The following MGMT variants were observed in gnomAD, a reference collection of about 807,000 sequenced individuals.
The protein encoded by MGMT is O-6-methylguanine-DNA methyltransferase.
A neutral mutation model predicts 15.9 loss-of-function variants in MGMT; 14 were observed. That is an observed-to-expected ratio of 0.88 (90% CI 0.58 to 1.37). The LOEUF (loss-of-function observed/expected upper bound fraction) is 1.37. Ranked by LOEUF, MGMT falls within the 40% of genes most tolerant of loss-of-function variation. The pLI, the probability that MGMT is intolerant of heterozygous loss-of-function variation, is 0.00. For missense variants in MGMT, 282 were observed against 268.1 expected (o/e 1.05, Z -0.36); for synonymous variants, 130 against 118.2 (o/e 1.10, Z -0.65).
chr10:129,488,666 A>G (rs1845437549), intron 1 of MGMT, among the ~76,000 whole-genome samples: 1 of 152,194 alleles, frequency 6.6e-6, no homozygotes, highest in Non-Finnish European at 1.5e-5. Flanking sequence ...TAACAATTCC[A>G]CTATTTTCCT....
At chr10:129,537,735 T>G (rs1846001539) in intron 2 of MGMT, among the ~76,000 whole-genome samples, 1 of 152,204 alleles carries the variant, frequency 6.6e-6, no homozygotes. Context: ...TGAATCAAGT[T>G]AGGATCAGGT....
chr10:129,514,655 G>T (rs552087108), intron 1 of MGMT, among the ~76,000 whole-genome samples: 6 of 110,050 alleles, frequency 5.5e-5, no homozygotes, highest in South Asian at 2.7e-4. Context: ...GGGGCCTTTG[G>T]GGGGAGATTA....
intron 1 of MGMT, among the ~76,000 whole-genome samples, chr10:129,512,973 A>T (rs1291807355): frequency 6.6e-6 from 1 of 152,224 alleles, no homozygotes; most frequent in African/African-American, 2.4e-5. Context: ...AGCATCATTC[A>T]CAGTGGCCAA....
At position 129,767,927 on chromosome 10, in the gene MGMT, C is replaced by A. The variant is rs1202378802; in HGVS notation, c.*930C>A. 3 of 152,258 alleles carry A rather than the reference C, an allele frequency of 2.0e-5. No homozygotes were observed. Among genetic ancestry groups the A allele is most frequent in the Non-Finnish European group, 4.4e-5 (3 of 68,062 alleles). The allele number at this position is 152,258 out of a possible 1,614,324, so 9.4% of individuals were successfully genotyped here. A position where few individuals can be genotyped will look rare whatever the true frequency, so the allele number is the denominator to read the frequency against. ...ATGGGCGGTGCGCTGCTGTCTGATACTTCATTATTGTGTTGTCATCCTAGC... is the reference window on the plus strand; with the variant it reads ...ATGGGCGGTGCGCTGCTGTCTGATAATTCATTATTGTGTTGTCATCCTAGC... On this transcript the variant is annotated 3_prime_UTR_variant, in exon 5 of 5. Transcript: ENST00000651593.
chr10:129,487,697 C>G (rs996116388), intron 1 of MGMT, among the ~76,000 whole-genome samples: 6 of 151,962 alleles, frequency 3.9e-5, no homozygotes, highest in Admixed American at 3.3e-4. Flanking sequence ...TTTATATAGT[C>G]TGGATTCTAA....
intron 2 of MGMT, among the ~76,000 whole-genome samples, chr10:129,579,177 C>T (rs188475484): frequency 2.6e-5 from 4 of 152,302 alleles, no homozygotes; most frequent in African/African-American, 4.8e-5. Context: ...GAAGGAAAAA[C>T]GGCCATTGTT....
intron 2 of MGMT, among the ~76,000 whole-genome samples, chr10:129,648,846 A>C (rs1847425251): frequency 6.6e-6 from 1 of 152,208 alleles, no homozygotes; most frequent in Non-Finnish European, 1.5e-5. Context: ...ATCATCCCTG[A>C]AGCTATGGCT....
chr10:129,542,336 C>T (rs747832170), intron 2 of MGMT, among the ~76,000 whole-genome samples: 3 of 152,108 alleles, frequency 2.0e-5, no homozygotes, highest in Non-Finnish European at 4.4e-5. Context: ...CAGTGCCAGT[C>T]GGATGGTTCC....
At chr10:129,520,446 G>GTACAGAGCCCCTGTGGTGCA in intron 1 of MGMT, among the ~76,000 whole-genome samples, 1 of 117,022 alleles carries the variant, frequency 8.5e-6, no homozygotes, top group Non-Finnish European at 1.7e-5. Flanking sequence ...CCTATGGTGC[G>GTACAGAGCCCCTGTGGTGCA]AGTACAGAGC....
chr10:129,516,449 C>G (rs898468678), intron 1 of MGMT, among the ~76,000 whole-genome samples: 1 of 152,042 alleles, frequency 6.6e-6, no homozygotes, highest in African/African-American at 2.4e-5. Context: ...CAGGTGTGTC[C>G]CTCCTCTTAC....
chr10:129,521,944 G>A (rs1219551402), intron 1 of MGMT, among the ~76,000 whole-genome samples: 1 of 152,242 alleles, frequency 6.6e-6, no homozygotes, highest in Non-Finnish European at 1.5e-5. Context: ...GCAGAAGGAA[G>A]CGTGCCGGTG....
At chr10:129,677,731 G>A (rs1033973190) in intron 2 of MGMT, among the ~76,000 whole-genome samples, 6 of 152,136 alleles carry the variant, frequency 3.9e-5, no homozygotes, top group African/African-American at 1.2e-4. Flanking sequence ...GGCTGTGATC[G>A]GACTGCCCCC....
intron 2 of MGMT, among the ~76,000 whole-genome samples, chr10:129,602,773 G>A (rs1321963896): frequency 3.3e-5 from 5 of 151,984 alleles, no homozygotes; most frequent in Admixed American, 3.3e-4. Context: ...ACATTGAGGT[G>A]AACTTTTTAC....
At chr10:129,693,595 T>G (rs571963250) in intron 2 of MGMT, 1 of 152,672 alleles carries the variant, frequency 6.5e-6, no homozygotes, top group Non-Finnish European at 1.5e-5. Context: ...GGGTAGCAGT[T>G]TGGGACCAGA....
rs1202831342 is a variant in MGMT at position 129,577,237 on chromosome 10, A to G, written c.125+40860A>G. ...GAGCCCACATTGCCAAGTCAATCCT[A>G]AGCCAAAAGAACAAAGCTGGAGGCA... On this transcript the variant is annotated intron_variant, in intron 2 of 4. Transcript: ENST00000651593. 2.0e-5 allele frequency among the ~76,000 whole-genome samples: 3 copies of G among 152,180 alleles called. No individual in the cohort carries two copies. In the East Asian group the frequency reaches 5.8e-4, roughly 29 times the overall value.
At chr10:129,687,861 C>T (rs1470163104) in intron 2 of MGMT, among the ~76,000 whole-genome samples, 25 of 151,930 alleles carry the variant, frequency 1.6e-4, no homozygotes, top group Non-Finnish European at 3.1e-4. Flanking sequence ...CCCCACCCCA[C>T]AACAGGCCCT....
chr10:129,467,526 G>GAC, intron 1 of MGMT: 1 of 764,108 alleles, frequency 1.3e-6, no homozygotes. Flanking sequence ...AGTGACTGTG[G>GAC]ACTGGCGTGT....
intron 2 of MGMT, among the ~76,000 whole-genome samples, chr10:129,696,713 G>A (rs992180374): frequency 6.6e-6 from 1 of 152,238 alleles, no homozygotes; most frequent in African/African-American, 2.4e-5. Flanking sequence ...AATGTGCTGG[G>A]TCGGAGCCGA....
intron 3 of MGMT, among the ~76,000 whole-genome samples, chr10:129,751,523 C>T (rs893524369): frequency 3.3e-5 from 5 of 151,496 alleles, no homozygotes; most frequent in African/African-American, 1.2e-4. Context: ...TGTTGATTTT[C>T]GCCTTTGCCT....
Sources: gnomAD v4.1 joint callset for allele counts (sites outside exome capture counted in the v4.1 genomes callset) on GRCh38, gnomAD v4.1.1 for gene constraint, MANE v1.5 for transcripts, NCBI Gene and HGNC (gene_info 2026-07-23, HGNC 2026-07-21) for gene names.